RBPMS: variants seen among roughly 807,000 people sequenced by gnomAD.
RBPMS encodes RNA binding protein, mRNA processing factor.
A neutral mutation model predicts 26.8 loss-of-function variants in RBPMS; 7 were observed. The observed-to-expected ratio is 0.26, with a 90% confidence interval of 0.15 to 0.49. RBPMS has a LOEUF of 0.49. Ranked by LOEUF, RBPMS falls within the 20% of genes least tolerant of loss-of-function variation. The pLI is 0.98. For missense variants in RBPMS, 186 were observed against 250.0 expected (o/e 0.74, Z 1.73); for synonymous variants, 96 against 93.3 (o/e 1.03, Z -0.17).
rs949640955 is a variant in RBPMS at position 30,441,687 on chromosome 8, C to T, written c.67-33092C>T. ...GTAGTATCAACATATGTTTCCTTAT[C>T]GTTCGATCTGAAAAATAAACCCTCC... is the stretch of plus-strand genomic sequence containing the variant. On this transcript the variant is annotated intron_variant, in intron 1 of 8. Transcript: ENST00000397323. Among the ~76,000 whole-genome samples, 5 of 151,920 alleles carry T rather than the reference C, an allele frequency of 3.3e-5. No homozygotes were observed. In the East Asian group the frequency reaches 5.8e-4, roughly 18 times the overall value.
At chr8:30,518,550 C>G (rs182212790) in intron 5 of RBPMS, among the ~76,000 whole-genome samples, 1 of 151,834 alleles carries the variant, frequency 6.6e-6, no homozygotes, top group South Asian at 2.1e-4. Context: ...CTCAGCCTCC[C>G]GAGTAGCTGG....
intron 6 of RBPMS, among the ~76,000 whole-genome samples, chr8:30,550,939 G>T (rs368971865): frequency 6.6e-6 from 1 of 152,162 alleles, no homozygotes; most frequent in African/African-American, 2.4e-5. Context: ...CTTTCCTATC[G>T]GAGAAACTGG....
chr8:30,529,985 C>A (rs898755096), intron 5 of RBPMS, among the ~76,000 whole-genome samples: 1 of 152,122 alleles, frequency 6.6e-6, no homozygotes, highest in African/African-American at 2.4e-5. Context: ...GAACTCCTGA[C>A]CTCAGGTAAT....
chr8:30,561,972 G>T (rs1827527112), intron 7 of RBPMS: 8 of 985,300 alleles, frequency 8.1e-6, no homozygotes, highest in Non-Finnish European at 7.2e-6. Context: ...CTAGAAGGAC[G>T]AACAATTGCC....
intron 1 of RBPMS, among the ~76,000 whole-genome samples, chr8:30,447,494 T>C (rs1814008544): frequency 6.6e-6 from 1 of 152,220 alleles, no homozygotes; most frequent in Non-Finnish European, 1.5e-5. Context: ...CTGAACTGCA[T>C]TATAGAGCTG....
chr8:30,513,802 A>C (rs1334807098), intron 5 of RBPMS, among the ~76,000 whole-genome samples: 1 of 152,088 alleles, frequency 6.6e-6, no homozygotes, highest in Admixed American at 6.5e-5. Flanking sequence ...TTCTCACCTC[A>C]CTTGCTCATT....
At chr8:30,385,200 C>T (rs765510361) in intron 1 of RBPMS, 42 bp downstream of exon 1, 2 of 1,377,446 alleles carry the variant, frequency 1.5e-6, no homozygotes, top group South Asian at 3.3e-5. Flanking sequence ...GACGCGGGAC[C>T]CAGTGCGGGC....
At chr8:30,455,278 G>A (rs567734761) in intron 1 of RBPMS, among the ~76,000 whole-genome samples, 1 of 152,224 alleles carries the variant, frequency 6.6e-6, no homozygotes, top group Admixed American at 6.5e-5. Context: ...CTAAGTGAGT[G>A]TGTCATTCCA....
rs138861966 is a variant in RBPMS at position 30,558,967 on chromosome 8, G to A, written c.*7+11G>A. 8.2e-3 allele frequency: 13,285 copies of A among 1,611,324 alleles called. 76 individuals carry two copies. Among genetic ancestry groups the A allele is most frequent in the Non-Finnish European group, 0.01 (11,918 of 1,177,754 alleles). ...TCTGCTGAATACTATGTAAGTACTC[G>A]CTTTCCTTTGGAATGTGCGAAGCCC... On this transcript the variant is annotated intron_variant, in intron 7 of 8. Transcript: ENST00000397323.
chr8:30,502,151 T>TTC (rs1820623653), intron 4 of RBPMS, among the ~76,000 whole-genome samples: 2 of 151,536 alleles, frequency 1.3e-5, no homozygotes, highest in Admixed American at 6.6e-5. Flanking sequence ...TTTTTTTTTT[T>TTC]TTTTTAAATA....
chr8:30,392,474 A>G (rs1807896367), intron 1 of RBPMS, among the ~76,000 whole-genome samples: 1 of 152,158 alleles, frequency 6.6e-6, no homozygotes. Context: ...CTGCCTCTGC[A>G]TTAGGGAATT....
At chr8:30,539,719 A>G (rs949856621) in intron 5 of RBPMS, among the ~76,000 whole-genome samples, 7 of 151,360 alleles carry the variant, frequency 4.6e-5, no homozygotes, top group African/African-American at 1.7e-4. Context: ...TGCACCTCCC[A>G]GGTTCAAGCA....
At chr8:30,417,884 T>A (rs1242777486) in intron 1 of RBPMS, among the ~76,000 whole-genome samples, 1 of 152,224 alleles carries the variant, frequency 6.6e-6, no homozygotes, top group Non-Finnish European at 1.5e-5. Context: ...TGTGTACTTT[T>A]GTAATTAAAA....
At chr8:30,496,213 G>A (rs1416406899) in intron 4 of RBPMS, among the ~76,000 whole-genome samples, 2 of 149,146 alleles carry the variant, frequency 1.3e-5, no homozygotes, top group Non-Finnish European at 3.0e-5. Flanking sequence ...CTGTCTCCCA[G>A]GCTGGAGTGC....
At chr8:30,474,423 C>T (rs1240860889) in intron 1 of RBPMS, among the ~76,000 whole-genome samples, 1 of 152,116 alleles carries the variant, frequency 6.6e-6, no homozygotes, top group African/African-American at 2.4e-5. Context: ...AACCTCCCCC[C>T]ATCCTTCACA....
chr8:30,477,876 ACTT>A lies in RBPMS; in HGVS notation c.183+40_183+42del, dbSNP rs1180756747. 5 of 1,405,156 alleles carry A rather than the reference ACTT, an allele frequency of 3.6e-6. No homozygotes were observed. The East Asian group carries it at 9.1e-5, about 26-fold the overall frequency. The allele number at this position is 1,405,156 out of a possible 1,614,324, so 87.0% of individuals were successfully genotyped here. A position where few individuals can be genotyped will look rare whatever the true frequency, so the allele number is the denominator to read the frequency against. ...AGTGGCATATAAAGATCACTTTTTT[ACTT>A]TCCTCAGGAATATTGCTGGGGCTTG... On this transcript the variant is annotated intron_variant, in intron 3 of 8. Transcript: ENST00000397323.
chr8:30,464,068 C>G (rs1196661259), intron 1 of RBPMS, among the ~76,000 whole-genome samples: 9 of 152,164 alleles, frequency 5.9e-5, no homozygotes, highest in African/African-American at 2.2e-4. Flanking sequence ...GCAGGAGGAT[C>G]TTTTTGAGCC....
chr8:30,485,028 C>T (rs188541747), intron 4 of RBPMS, among the ~76,000 whole-genome samples: 17 of 152,298 alleles, frequency 1.1e-4, no homozygotes, highest in Admixed American at 3.9e-4. Flanking sequence ...TTTGCAAATG[C>T]TCTGTAAGTA....
At chr8:30,476,013 C>T (rs1563355007) in intron 2 of RBPMS, among the ~76,000 whole-genome samples, 2 of 152,060 alleles carry the variant, frequency 1.3e-5, no homozygotes, top group Non-Finnish European at 2.9e-5. Context: ...TAAAAAGGAC[C>T]ATTTTTCTAT....
Sources: allele counts gnomAD v4.1 joint callset (sites outside exome capture counted in the v4.1 genomes callset), GRCh38; gene constraint gnomAD v4.1.1; transcripts MANE v1.5; gene names NCBI Gene and HGNC (gene_info 2026-07-23, HGNC 2026-07-21).